DNAH2: variants seen among roughly 807,000 people sequenced by gnomAD.
DNAH2 encodes axonemal beta dynein heavy chain 2.
DNAH2 carries 323 observed loss-of-function variants against 523.5 expected under a neutral mutation model. The ratio of observed to expected loss-of-function variants is 0.62; its 90% CI spans 0.56 to 0.68. The LOEUF is 0.68. Ranked by LOEUF, DNAH2 falls within the 30% of genes least tolerant of loss-of-function variation. The probability of loss-of-function intolerance (pLI) is 0.00; values close to 1 mark genes in which losing one functional copy is unlikely to be tolerated. For missense variants in DNAH2, 4,907 were observed against 5,701.5 expected (o/e 0.86, Z 4.49); for synonymous variants, 2,093 against 2,177.4 (o/e 0.96, Z 1.08).
intron 8 of DNAH2, among the ~76,000 whole-genome samples, chr17:7,739,502 C>G (rs974457383): frequency 6.6e-6 from 1 of 152,222 alleles, no homozygotes; most frequent in Non-Finnish European, 1.5e-5. Flanking sequence ...GCATTTGCCT[C>G]TTATCGCTGC....
In DNAH2 at chr17:7,786,194, TTTTCCAGTTG is replaced by T. The variant is rs1426319339; in HGVS notation, c.6202_6211del (p.Phe2068MetfsTer11). 4 of 1,613,840 alleles carry T rather than the reference TTTTCCAGTTG, an allele frequency of 2.5e-6. No individual in the cohort carries two copies. The highest frequency in any genetic ancestry group is 3.4e-6 in the Non-Finnish European group (4 of 1,179,988). On this transcript the variant is annotated frameshift_variant, in exon 40 of 86. Transcript: ENST00000572933. LOFTEE classifies it high-confidence loss of function. The surrounding 1 kb of genome is among the most constrained non-coding windows in gnomAD (Gnocchi z 7.5). ...AGCACGCCGTTCACCCTCACCAAGGTTTTCCAGTTGTATGAAACCAAGAACTCCCGCCACT... is the reference window on the plus strand; with the variant it reads ...AGCACGCCGTTCACCCTCACCAAGGTTATGAAACCAAGAACTCCCGCCACT...
intron 3 of DNAH2, among the ~76,000 whole-genome samples, chr17:7,726,803 C>T (rs1220449648): frequency 6.6e-6 from 1 of 152,134 alleles, no homozygotes; most frequent in Non-Finnish European, 1.5e-5. Flanking sequence ...CCTTAATTCA[C>T]CTTTACCTTT....
rs537471246 is a variant in DNAH2, at chr17:7,819,051, C to T, written c.10803C>T (p.Asp3601=). ...ETSETTEINT[D]LAREAYRPCA... is the part of the protein sequence containing the mutation. ...GTGAGACCACAGAGATCAACACTGA[C>T]TTGGCGCGGGAGGTAAGCTCCCGGC... Residue 3601 remains aspartate (D), a synonymous_variant, in exon 71 of 86, where the codon GAC becomes GAT. Coordinates refer to ENST00000572933, the MANE Select transcript of DNAH2 (RefSeq NM_020877.5). 5.8e-5 allele frequency: 93 copies of T among 1,605,678 alleles called. 2 individuals carry two copies. The South Asian group carries it at 9.5e-4, about 16-fold the overall frequency.
chr17:7,827,927 GTC>G (rs2078065682), intron 77 of DNAH2, among the ~76,000 whole-genome samples: 1 of 143,874 alleles, frequency 7.0e-6, no homozygotes, highest in Non-Finnish European at 1.5e-5. Flanking sequence ...CAATACTTTA[GTC>G]TTTGTTTGTT....
intron 1 of DNAH2, 22 bp from the exon 2 acceptor site, chr17:7,719,699 C>G: frequency 1.9e-6 from 3 of 1,614,052 alleles, no homozygotes; most frequent in Middle Eastern, 3.3e-4. Context: ...CTTGTAGACT[C>G]TCCACTCCTG....
chr17:7,769,833 G>A (rs564619782), intron 24 of DNAH2, among the ~76,000 whole-genome samples: 71 of 152,100 alleles, frequency 4.7e-4, no homozygotes, highest in South Asian at 1.0e-3. Context: ...AGTGTTATAC[G>A]GTTATGTATA....
chr17:7,818,972 C>T lies in DNAH2; in HGVS notation c.10724C>T (p.Thr3575Met), dbSNP rs113150367. 40 of 1,612,084 alleles carry T rather than the reference C, an allele frequency of 2.5e-5. No homozygotes were observed. In the Admixed American group the frequency reaches 3.0e-4, roughly 12 times the overall value. Residue 3575 changes from threonine to methionine, a missense_variant, in exon 71 of 86, where the codon ACG (threonine) becomes ATG (methionine). By Grantham distance (81) the Thr-to-Met change is moderately conservative. Around this residue, in one of 3 missense-constraint regions of DNAH2, gnomAD observed 1,851 missense variants for 2,139.4 expected, o/e 0.87. Transcript: ENST00000572933. ...SLLDDVQLVN[T>M]LHTSKITATE... is the part of the protein sequence containing the mutation. Reference sequence around the variant, plus strand: ...CTGGATGATGTGCAGCTGGTGAACACGCTGCATACCTCCAAGATCACAGCC... The same window carrying T: ...CTGGATGATGTGCAGCTGGTGAACATGCTGCATACCTCCAAGATCACAGCC...
intron 1 of DNAH2, among the ~76,000 whole-genome samples, chr17:7,719,074 C>T (rs574677181): frequency 1.3e-5 from 2 of 151,476 alleles, no homozygotes; most frequent in South Asian, 2.1e-4. Flanking sequence ...TGTTCTCATA[C>T]CCCGGGGCAG....
At chr17:7,793,512 TTTC>T (rs879657588) in intron 48 of DNAH2, among the ~76,000 whole-genome samples, 3,904 of 136,362 alleles carry the variant, frequency 0.029, 78 homozygotes, top group Non-Finnish European at 0.044. Context: ...TCTTTCTTTC[TTTC>T]TTCTCTTTCT....
intron 31 of DNAH2, 116 bp from the exon 32 acceptor site, chr17:7,776,663 C>A: frequency 1.4e-6 from 1 of 723,116 alleles, no homozygotes; most frequent in Non-Finnish European, 2.3e-6. Flanking sequence ...TCCTTCAGAG[C>A]AGATTGGGTG....
intron 39 of DNAH2, among the ~76,000 whole-genome samples, chr17:7,783,840 A>G (rs2076667761): frequency 2.0e-5 from 3 of 151,978 alleles, no homozygotes; most frequent in Admixed American, 2.0e-4. Flanking sequence ...AGCAAACAAA[A>G]ATCACAAAAA....
Position 7,771,210 on chromosome 17 carries a change from C to T in DNAH2, c.4363-120C>T, listed in dbSNP as rs2076305314. 6 of 1,436,710 alleles carry T rather than the reference C, an allele frequency of 4.2e-6. No homozygotes were observed. In the South Asian group the frequency reaches 8.1e-5, roughly 19 times the overall value. 89.0% of individuals were successfully genotyped at this position (1,436,710 alleles called of 1,614,324 possible). On this transcript the variant is annotated intron_variant, in intron 27 of 85. Transcript: ENST00000572933. ...TCCTTGTAGAACTTGGGCATCTTGGCCTTTGACTTCTAGCACTCTGTATCT... is the reference window on the plus strand; with the variant it reads ...TCCTTGTAGAACTTGGGCATCTTGGTCTTTGACTTCTAGCACTCTGTATCT...
chr17:7,780,164 T>A lies in DNAH2; in HGVS notation c.5730T>A (p.Ala1910=). The change falls in exon 37 of 86, where the codon GCT becomes GCA. Residue 1910 remains alanine, a synonymous_variant. Transcript: ENST00000572933. The surrounding 1 kb of genome is among the most constrained non-coding windows in gnomAD (Gnocchi z 4.4). ...GIFITMNPGY[A]GRTELPENLK... ...AGTGGCATTGTTTTCCAGGCTATGC[T>A]GGCCGCACAGAGCTTCCCGAAAATC... The A allele has an allele frequency of 1.2e-6, 2 of 1,612,718 alleles. No homozygotes were observed. Among genetic ancestry groups the A allele is most frequent in the Non-Finnish European group, 1.7e-6 (2 of 1,179,374 alleles).
chr17:7,775,121 G>A, intron 29 of DNAH2, 120 bp from the exon 30 acceptor site: 1 of 1,272,490 alleles, frequency 7.9e-7, no homozygotes, highest in Non-Finnish European at 1.1e-6. Flanking sequence ...GAACTTCTTA[G>A]AATTGGTAAT....
At chr17:7,762,331 C>CTTTTTT (rs35824439) in intron 18 of DNAH2, among the ~76,000 whole-genome samples, 4 of 111,830 alleles carry the variant, frequency 3.6e-5, no homozygotes, top group Non-Finnish European at 3.7e-5. Flanking sequence ...CGTAGGATTT[C>CTTTTTT]TTTTTTTTTT....
intron 6 of DNAH2, 78 bp from the exon 7 acceptor site, chr17:7,734,392 T>G (rs956327346): frequency 2.5e-6 from 4 of 1,598,636 alleles, no homozygotes; most frequent in Non-Finnish European, 3.4e-6. Context: ...GAGGTCTCTG[T>G]CGGGGTTGCG....
At chr17:7,733,921 T>C (rs892591979) in intron 5 of DNAH2, among the ~76,000 whole-genome samples, 4 of 152,216 alleles carry the variant, frequency 2.6e-5, no homozygotes, top group African/African-American at 7.2e-5. Flanking sequence ...AGGACTCACA[T>C]GTCTCGTGGT....
chr17:7,804,900 C>A, intron 59 of DNAH2, 58 bp from the exon 60 acceptor site: 1 of 1,413,278 alleles, frequency 7.1e-7, no homozygotes, highest in Non-Finnish European at 9.8e-7. Context: ...CCAACACCGT[C>A]ACTCCCACCT....
intron 11 of DNAH2, among the ~76,000 whole-genome samples, chr17:7,742,439 A>AAAAC (rs1240349967): frequency 1.3e-5 from 2 of 152,196 alleles, no homozygotes; most frequent in Non-Finnish European, 2.9e-5. Flanking sequence ...ACAAACAAAC[A>AAAAC]AAACAAACAA....
Sources: allele counts gnomAD v4.1 joint callset (sites outside exome capture counted in the v4.1 genomes callset), GRCh38; gene constraint gnomAD v4.1.1; regional missense constraint gnomAD v4.1.1; non-coding constraint Gnocchi (gnomAD v3.1); transcripts MANE v1.5; gene names NCBI Gene and HGNC (gene_info 2026-07-23, HGNC 2026-07-21).